CAMK2D: variants seen among roughly 807,000 people sequenced by gnomAD.
CAMK2D encodes the protein calcium/calmodulin dependent protein kinase II delta, also known as calcium/calmodulin-dependent protein kinase type II subunit delta.
CAMK2D carries 37 observed loss-of-function variants against 84.0 expected under a neutral mutation model. The ratio of observed to expected loss-of-function variants is 0.44; its 90% CI spans 0.34 to 0.58. The LOEUF (loss-of-function observed/expected upper bound fraction) is 0.58. CAMK2D is among the 20% of genes least tolerant of loss of function. The pLI, the probability that CAMK2D is intolerant of heterozygous loss-of-function variation, is 0.02. For synonymous variants in CAMK2D, 202 were observed against 212.5 expected, an observed-to-expected ratio of 0.95 and a Z score of 0.43; for missense variants, 448 against 652.5, an observed-to-expected ratio of 0.69 and a Z score of 3.41.
At chr4:113,643,270 T>C (rs2099139296) in intron 3 of CAMK2D, among the ~76,000 whole-genome samples, 1 of 152,180 alleles carries the variant, frequency 6.6e-6, no homozygotes, top group Non-Finnish European at 1.5e-5. Flanking sequence ...ACAAACATGA[T>C]AAAAAAGTTT....
intron 2 of CAMK2D, among the ~76,000 whole-genome samples, chr4:113,705,226 C>T (rs1375352448): frequency 6.7e-6 from 1 of 149,714 alleles, no homozygotes; most frequent in Non-Finnish European, 1.5e-5. Flanking sequence ...ACTCTGGAGG[C>T]TGAGGCAGGA....
At chr4:113,488,546 T>C (rs1214638968) in intron 16 of CAMK2D, among the ~76,000 whole-genome samples, 2 of 152,186 alleles carry the variant, frequency 1.3e-5, no homozygotes, top group Non-Finnish European at 2.9e-5. Flanking sequence ...AAGTTAATTC[T>C]TAAAGTGAAT....
At chr4:113,746,311 GT>G (rs1156266325) in intron 2 of CAMK2D, among the ~76,000 whole-genome samples, 1 of 152,088 alleles carries the variant, frequency 6.6e-6, no homozygotes, top group Non-Finnish European at 1.5e-5. Context: ...CCTTCTATCT[GT>G]TTTAAAGTTT....
intron 2 of CAMK2D, among the ~76,000 whole-genome samples, chr4:113,721,462 C>T (rs1939363731): frequency 6.6e-6 from 1 of 152,150 alleles, no homozygotes; most frequent in African/African-American, 2.4e-5. Flanking sequence ...AATTCTACAA[C>T]CAATTGTGTC....
intron 16 of CAMK2D, among the ~76,000 whole-genome samples, chr4:113,477,722 G>T (rs1156719578): frequency 6.9e-6 from 1 of 144,790 alleles, no homozygotes; most frequent in Non-Finnish European, 1.5e-5. Context: ...CTCCAGCCTG[G>T]GCAACAGAGT....
At chr4:113,650,278 G>A (rs1592494729) in intron 3 of CAMK2D, among the ~76,000 whole-genome samples, 1 of 151,992 alleles carries the variant, frequency 6.6e-6, no homozygotes, top group Non-Finnish European at 1.5e-5. Context: ...CCAGCACTTT[G>A]GGAGGCTGAG....
intron 3 of CAMK2D, among the ~76,000 whole-genome samples, chr4:113,635,905 C>T (rs913574724): frequency 6.6e-6 from 1 of 152,176 alleles, no homozygotes; most frequent in African/African-American, 2.4e-5. Flanking sequence ...TACAGCTATG[C>T]CTGTGGTTAA....
intron 16 of CAMK2D, among the ~76,000 whole-genome samples, chr4:113,473,139 G>A (rs1202299169): frequency 6.6e-6 from 1 of 152,178 alleles, no homozygotes; most frequent in African/African-American, 2.4e-5. Context: ...CTCTGGCAAG[G>A]TGACTGACTA....
chr4:113,482,307 T>C (rs2154129896), intron 16 of CAMK2D, among the ~76,000 whole-genome samples: 1 of 152,192 alleles, frequency 6.6e-6, no homozygotes, highest in South Asian at 2.1e-4. Context: ...GAAGAACTAG[T>C]AGGATTTTCT....
intron 6 of CAMK2D, among the ~76,000 whole-genome samples, chr4:113,545,037 C>G (rs1316815285): frequency 1.3e-5 from 2 of 152,174 alleles, no homozygotes; most frequent in Non-Finnish European, 2.9e-5. Context: ...GATCTTTATT[C>G]TGAAGATATA....
chr4:113,716,930 T>C (rs2099515430), intron 2 of CAMK2D, among the ~76,000 whole-genome samples: 2 of 152,184 alleles, frequency 1.3e-5, no homozygotes, highest in African/African-American at 4.8e-5. Flanking sequence ...GAACACAAAA[T>C]TGAACAAGTG....
chr4:113,538,004 T>C, intron 6 of CAMK2D, among the ~76,000 whole-genome samples: 1 of 152,226 alleles, frequency 6.6e-6, no homozygotes, highest in African/African-American at 2.4e-5. Flanking sequence ...GTATTAAAAT[T>C]GCTGTCTTTA....
At chr4:113,526,303 A>G (rs1310230818) in intron 8 of CAMK2D, among the ~76,000 whole-genome samples, 1 of 152,180 alleles carries the variant, frequency 6.6e-6, no homozygotes, top group Non-Finnish European at 1.5e-5. Flanking sequence ...GGCTGTTTGC[A>G]TAATATTATG....
intron 17 of CAMK2D, among the ~76,000 whole-genome samples, chr4:113,464,334 G>A (rs1003374149): frequency 9.9e-5 from 15 of 151,866 alleles, no homozygotes; most frequent in African/African-American, 3.4e-4. Context: ...TCATATTCAC[G>A]CAATATAAAA....
At chr4:113,577,359 T>C (rs1331108945) in intron 4 of CAMK2D, among the ~76,000 whole-genome samples, 2 of 152,202 alleles carry the variant, frequency 1.3e-5, no homozygotes, top group East Asian at 3.8e-4. Context: ...TGTTGTTCCA[T>C]ATTTTGGGTT....
intron 2 of CAMK2D, among the ~76,000 whole-genome samples, chr4:113,744,231 C>T (rs2099599365): frequency 6.6e-6 from 1 of 152,184 alleles, no homozygotes; most frequent in African/African-American, 2.4e-5. Context: ...CTTCAGCAAA[C>T]ATTAAATACC....
At chr4:113,693,780 T>C (rs1452090183) in intron 2 of CAMK2D, among the ~76,000 whole-genome samples, 1 of 152,212 alleles carries the variant, frequency 6.6e-6, no homozygotes, top group Non-Finnish European at 1.5e-5. Context: ...TTCATTTGTC[T>C]AGATTAAAAT....
intron 14 of CAMK2D, among the ~76,000 whole-genome samples, chr4:113,504,718 T>G (rs2154153831): frequency 6.6e-6 from 1 of 151,604 alleles, no homozygotes; most frequent in Non-Finnish European, 1.5e-5. Context: ...ACCACAGCTA[T>G]CAGTACAATG....
At chr4:113,597,468 A>T (rs2098932478) in intron 4 of CAMK2D, among the ~76,000 whole-genome samples, 1 of 152,188 alleles carries the variant, frequency 6.6e-6, no homozygotes, top group Admixed American at 6.5e-5. Flanking sequence ...GCTTTCCTCT[A>T]TTCTTCTGCA....
Sources: gnomAD v4.1 joint callset for allele counts (sites outside exome capture counted in the v4.1 genomes callset) on GRCh38, gnomAD v4.1.1 for gene constraint, MANE v1.5 for transcripts, NCBI Gene and HGNC (gene_info 2026-07-23, HGNC 2026-07-21) for gene names.